The following ATP8B4 variants were observed in gnomAD, a reference collection of about 807,000 sequenced individuals.
The protein encoded by ATP8B4 is ATPase phospholipid transporting 8B4 (putative).
Under a neutral mutation model 145.6 loss-of-function variants are expected in ATP8B4, and 133 were observed. The ratio of observed to expected loss-of-function variants is 0.91; its 90% confidence interval spans 0.79 to 1.05. ATP8B4 has a LOEUF of 1.05. Ranked by LOEUF, ATP8B4 falls within the 50% of genes least tolerant of loss-of-function variation. The pLI is 0.00. For synonymous variants in ATP8B4, 507 were observed against 492.9 expected (o/e 1.03, Z -0.38); for missense variants, 1,458 against 1,425.2 (o/e 1.02, Z -0.37).
chr15:49,897,051 G>C lies in ATP8B4; in HGVS notation c.2697+241C>G, dbSNP rs1483770229. On this transcript the variant is annotated intron_variant, in intron 23 of 27. Transcript: ENST00000284509. The stretch of plus-strand genomic sequence containing the variant: ...AAAAACTAAAGTATGCATGGAAGGA[G>C]TACTCACTGGTTGACTATCTAAATA... 3 of 449,248 alleles carry C rather than the reference G, an allele frequency of 6.7e-6. No homozygotes were observed. In the East Asian group the frequency reaches 1.1e-4, roughly 16 times the overall value. The allele number at this position is 449,248 out of a possible 1,614,324, so 27.8% of individuals were successfully genotyped here. A position where few individuals can be genotyped will look rare whatever the true frequency, so the allele number is the denominator to read the frequency against.
chr15:49,879,212 G>A (rs2034997935), intron 24 of ATP8B4, among the ~76,000 whole-genome samples, 164 bp downstream of exon 24: 1 of 152,188 alleles, frequency 6.6e-6, no homozygotes, highest in Admixed American at 6.5e-5. Flanking sequence ...ATAGGGGTAA[G>A]GGAGGCACAG....
intron 19 of ATP8B4, 57 bp downstream of exon 19, chr15:49,918,782 G>T: frequency 7.9e-7 from 1 of 1,257,976 alleles, no homozygotes; most frequent in Non-Finnish European, 1.1e-6. Context: ...TTAAAATTTT[G>T]TGATATAAGT....
chr15:50,052,913 T>C (rs1381416837), intron 3 of ATP8B4, among the ~76,000 whole-genome samples: 2 of 152,184 alleles, frequency 1.3e-5, no homozygotes, highest in Admixed American at 1.3e-4. Context: ...GGGGAATTAC[T>C]GAAACATCTT....
intron 1 of ATP8B4, among the ~76,000 whole-genome samples, chr15:50,168,647 T>C (rs1405253069): frequency 1.3e-5 from 2 of 152,034 alleles, no homozygotes; most frequent in African/African-American, 4.8e-5. Flanking sequence ...TAGTTAAACT[T>C]TGTGACAATT....
At chr15:50,158,787 G>A (rs1205718541) in intron 1 of ATP8B4, among the ~76,000 whole-genome samples, 1 of 152,228 alleles carries the variant, frequency 6.6e-6, no homozygotes, top group Non-Finnish European at 1.5e-5. Flanking sequence ...TTGGGACCCT[G>A]TTGATCTATG....
At chr15:50,070,747 T>C (rs1480378327) in intron 3 of ATP8B4, among the ~76,000 whole-genome samples, 1 of 152,176 alleles carries the variant, frequency 6.6e-6, no homozygotes, top group Admixed American at 6.5e-5. Context: ...TGTTTTGTTT[T>C]GTTTGTTTTT....
At chr15:49,908,003 C>G in intron 20 of ATP8B4, 1 of 455,750 alleles carries the variant, frequency 2.2e-6, no homozygotes, top group South Asian at 1.6e-5. Context: ...CCTAGATTCA[C>G]ATCCCACCTG....
chr15:49,902,587 A>T (rs771308747), intron 20 of ATP8B4, among the ~76,000 whole-genome samples: 2 of 152,246 alleles, frequency 1.3e-5, no homozygotes, highest in Non-Finnish European at 2.9e-5. Flanking sequence ...TGCAGAATCA[A>T]AGAAAAAGAT....
At chr15:50,074,945 T>C (rs12912186) in intron 2 of ATP8B4, among the ~76,000 whole-genome samples, 1 of 152,034 alleles carries the variant, frequency 6.6e-6, no homozygotes, top group Non-Finnish European at 1.5e-5. Context: ...TGACCAAAGA[T>C]TTAGGATGGA....
chr15:50,014,078 A>G (rs1437821290), intron 6 of ATP8B4, among the ~76,000 whole-genome samples: 1 of 152,214 alleles, frequency 6.6e-6, no homozygotes, highest in Non-Finnish European at 1.5e-5. Flanking sequence ...CAATGGGTTC[A>G]TCAAGGTCAT....
chr15:50,070,119 G>T (rs1018906957), intron 3 of ATP8B4, among the ~76,000 whole-genome samples: 1 of 152,106 alleles, frequency 6.6e-6, no homozygotes, highest in Non-Finnish European at 1.5e-5. Context: ...TTCATATGGT[G>T]AGCCCTACCT....
At chr15:50,082,369 T>G (rs1029153492) in intron 2 of ATP8B4, among the ~76,000 whole-genome samples, 1 of 151,520 alleles carries the variant, frequency 6.6e-6, no homozygotes, top group African/African-American at 2.4e-5. Flanking sequence ...CCAAAGAGAA[T>G]AGAAGGAAAA....
At chr15:50,118,106 T>C (rs1314096565) in intron 1 of ATP8B4, among the ~76,000 whole-genome samples, 1 of 152,102 alleles carries the variant, frequency 6.6e-6, no homozygotes, top group Non-Finnish European at 1.5e-5. Context: ...AGTATGACAA[T>C]AGATAATGAT....
chr15:50,085,378 C>T (rs1028639232), intron 2 of ATP8B4, among the ~76,000 whole-genome samples: 6 of 152,096 alleles, frequency 3.9e-5, no homozygotes, highest in African/African-American at 1.4e-4. Context: ...TGGTGCTGCT[C>T]GGAACCAGAT....
rs146353787 is a variant in ATP8B4 at position 50,022,092 on chromosome 15, A to T, written c.363-11175T>A. Among the ~76,000 whole-genome samples, 574 of 152,310 alleles carry T rather than the reference A, an allele frequency of 3.8e-3. 8 individuals carry two copies. The highest frequency in any genetic ancestry group is 0.013 in the African/African-American group (540 of 41,568). On this transcript the variant is annotated intron_variant, in intron 6 of 27. Transcript: ENST00000284509. ...ATAAATAAAAACTTTTTTCCAAAGG[A>T]AAAAAGTGGAAAGCAAAATTGCATA...
chr15:50,109,803 C>G (rs2056854620), intron 1 of ATP8B4, among the ~76,000 whole-genome samples: 1 of 152,046 alleles, frequency 6.6e-6, no homozygotes, highest in Non-Finnish European at 1.5e-5. Context: ...TAACAGTTAA[C>G]AAACATGAAC....
intron 3 of ATP8B4, among the ~76,000 whole-genome samples, chr15:50,069,125 C>T (rs1329585932): frequency 6.6e-6 from 1 of 152,006 alleles, no homozygotes; most frequent in African/African-American, 2.4e-5. Context: ...GAGAATAATT[C>T]TTCTAGCACT....
intron 23 of ATP8B4, among the ~76,000 whole-genome samples, chr15:49,893,391 A>G (rs2037040875): frequency 6.6e-6 from 1 of 152,220 alleles, no homozygotes; most frequent in African/African-American, 2.4e-5. Context: ...TAAGAGGTGG[A>G]AACAACCCAA....
chr15:49,964,335 A>G (rs1166500843), intron 13 of ATP8B4, among the ~76,000 whole-genome samples: 1 of 149,990 alleles, frequency 6.7e-6, no homozygotes, highest in Non-Finnish European at 1.5e-5. Flanking sequence ...AGAGAAAAAG[A>G]AAAAAAAAAC....
Sources: allele counts gnomAD v4.1 joint callset (sites outside exome capture counted in the v4.1 genomes callset), GRCh38; gene constraint gnomAD v4.1.1; transcripts MANE v1.5; gene names NCBI Gene and HGNC (gene_info 2026-07-23, HGNC 2026-07-21).